Variants in NUBPL observed in about 807,000 individuals in gnomAD.
The protein encoded by NUBPL is iron-sulfur cluster transfer protein NUBPL.
NUBPL carries 31 observed loss-of-function variants against 45.7 expected under a neutral mutation model. The observed-to-expected ratio is 0.68, with a 90% CI of 0.51 to 0.92. The LOEUF is 0.92. Ranked by LOEUF, NUBPL falls within the 40% of genes least tolerant of loss-of-function variation. The probability of loss-of-function intolerance (pLI) is 0.00; values close to 1 mark genes in which losing one functional copy is unlikely to be tolerated. For synonymous variants in NUBPL, 144 were observed against 140.9 expected, an observed-to-expected ratio of 1.02 and a Z score of -0.15; for missense variants, 401 against 398.7, an observed-to-expected ratio of 1.01 and a Z score of -0.05.
Position 31,627,611 on chromosome 14 carries a change from A to G in NUBPL, c.382+28232A>G, listed in dbSNP as rs2139652314. 1.3e-5 allele frequency among the ~76,000 whole-genome samples: 2 copies of G among 151,988 alleles called. 1 individual carries two copies. Among genetic ancestry groups the G allele is most frequent in the South Asian group, 4.2e-4 (2 of 4,788 alleles). On this transcript the variant is annotated intron_variant, in intron 4 of 10. Coordinates refer to ENST00000281081, the MANE Select transcript of NUBPL (RefSeq NM_025152.3). ...GAAACCTTGTCTCTACTAACAATAG[A>G]AAAAATTAGCCAGACGTGGTGGCGG...
At chr14:31,727,940 TGTA>T (rs1301337527) in intron 6 of NUBPL, among the ~76,000 whole-genome samples, 2 of 152,188 alleles carry the variant, frequency 1.3e-5, no homozygotes, top group Non-Finnish European at 2.9e-5. Flanking sequence ...TATATTATGA[TGTA>T]GTCATTTATA....
intron 4 of NUBPL, among the ~76,000 whole-genome samples, chr14:31,647,641 G>A (rs185005693): frequency 2.6e-5 from 4 of 152,328 alleles, no homozygotes; most frequent in African/African-American, 9.6e-5. Context: ...TTACAGATCA[G>A]AGTTTCCAGG....
intron 6 of NUBPL, among the ~76,000 whole-genome samples, chr14:31,728,256 T>C (rs1337437402): frequency 6.6e-6 from 1 of 152,036 alleles, no homozygotes; most frequent in Non-Finnish European, 1.5e-5. Flanking sequence ...AAATGGAAAC[T>C]GAGAGCCACT....
At chr14:31,670,853 C>T (rs1566490418) in intron 4 of NUBPL, among the ~76,000 whole-genome samples, 1 of 152,144 alleles carries the variant, frequency 6.6e-6, no homozygotes, top group Non-Finnish European at 1.5e-5. Context: ...GTACCAGTAC[C>T]ATGCTGTTTT....
At chr14:31,783,364 T>C (rs1216235712) in intron 6 of NUBPL, among the ~76,000 whole-genome samples, 3 of 152,148 alleles carry the variant, frequency 2.0e-5, no homozygotes, top group African/African-American at 7.2e-5. Flanking sequence ...TTGCTTGGTT[T>C]ATCAGCAAGC....
intron 4 of NUBPL, among the ~76,000 whole-genome samples, chr14:31,645,185 C>G (rs1014411059): frequency 6.6e-6 from 1 of 151,944 alleles, no homozygotes; most frequent in Non-Finnish European, 1.5e-5. Context: ...CCTGCCTCAG[C>G]CTCCCGAGTA....
chr14:31,811,728 G>C (rs1163232692), intron 7 of NUBPL, among the ~76,000 whole-genome samples: 10 of 152,134 alleles, frequency 6.6e-5, no homozygotes, highest in Non-Finnish European at 1.0e-4. Context: ...TACCTTTTCT[G>C]CTCTGGTTTC....
chr14:31,706,907 C>G (rs1409371429), intron 6 of NUBPL, among the ~76,000 whole-genome samples: 3 of 152,220 alleles, frequency 2.0e-5, no homozygotes, highest in Admixed American at 6.5e-5. Flanking sequence ...TCCATATTAA[C>G]TTAAAATTGG....
At chr14:31,693,696 C>T (rs969596054) in intron 6 of NUBPL, among the ~76,000 whole-genome samples, 51 of 151,138 alleles carry the variant, frequency 3.4e-4, no homozygotes, top group African/African-American at 1.1e-3. Context: ...CTCTAGCAGG[C>T]CTCATATTTT....
intron 4 of NUBPL, among the ~76,000 whole-genome samples, chr14:31,607,428 T>G (rs1026162055): frequency 6.6e-6 from 1 of 150,858 alleles, no homozygotes; most frequent in South Asian, 2.1e-4. Flanking sequence ...TCCCGGTATG[T>G]GACCTTTCAG....
intron 4 of NUBPL, among the ~76,000 whole-genome samples, chr14:31,619,535 T>C (rs1278241700): frequency 6.6e-6 from 1 of 152,200 alleles, no homozygotes; most frequent in African/African-American, 2.4e-5. Context: ...ATTTCTGCTT[T>C]GCTTATGAAT....
intron 6 of NUBPL, among the ~76,000 whole-genome samples, chr14:31,738,805 A>G (rs1009437586): frequency 2.6e-5 from 4 of 152,224 alleles, no homozygotes; most frequent in African/African-American, 9.6e-5. Context: ...ATAAATTGGT[A>G]TTTTTAAAAA....
chr14:31,656,686 C>G (rs1335180189), intron 4 of NUBPL, among the ~76,000 whole-genome samples: 1 of 151,956 alleles, frequency 6.6e-6, no homozygotes, highest in Non-Finnish European at 1.5e-5. Context: ...TTCATGGTGC[C>G]CCACAACAAT....
At position 31,604,943 on chromosome 14, in the gene NUBPL, T is replaced by C. The variant is rs543196189; in HGVS notation, c.382+5564T>C. Among the ~76,000 whole-genome samples, 3 of 152,314 alleles carry C rather than the reference T, an allele frequency of 2.0e-5. 1 individual carries two copies. The South Asian group carries it at 6.2e-4, about 32-fold the overall frequency. On this transcript the variant is annotated intron_variant, in intron 4 of 10. Coordinates refer to ENST00000281081, the MANE Select transcript of NUBPL (RefSeq NM_025152.3). ...TATGGTAGTGGAAAATCTAGCCAGT[T>C]TGTAGAAAGGGCATTATGCAAAAGC...
In NUBPL at chr14:31,679,451, G is replaced by A. The variant is rs147626797; in HGVS notation, c.513+5877G>A. On this transcript the variant is annotated intron_variant, in intron 6 of 10. Transcript: ENST00000281081. ...ACATCTTGAATTAATTTTTATGTGT[G>A]AAATAAGGGTCAATGTTTATAATTT... is the stretch of plus-strand genomic sequence containing the variant. Among the ~76,000 whole-genome samples the A allele has an allele frequency of 5.3e-5, 8 of 152,174 alleles. No homozygotes were observed. The East Asian group carries it at 1.5e-3, about 29-fold the overall frequency.
intron 7 of NUBPL, among the ~76,000 whole-genome samples, chr14:31,814,898 C>G (rs915052160): frequency 1.3e-5 from 2 of 152,164 alleles, no homozygotes; most frequent in African/African-American, 4.8e-5. Flanking sequence ...TGGTCTGTAT[C>G]TCTGTTTTGG....
At chr14:31,737,190 T>C (rs960756780) in intron 6 of NUBPL, among the ~76,000 whole-genome samples, 1 of 152,214 alleles carries the variant, frequency 6.6e-6, no homozygotes, top group Non-Finnish European at 1.5e-5. Context: ...TCTATTCAGA[T>C]TTATGTGTAT....
intron 6 of NUBPL, among the ~76,000 whole-genome samples, chr14:31,756,296 G>A (rs1221803241): frequency 2.0e-5 from 3 of 152,088 alleles, no homozygotes; most frequent in South Asian, 2.1e-4. Context: ...TGGGCAGTAT[G>A]GTCATTTTCA....
At position 31,861,086 on chromosome 14, in the gene NUBPL, G is replaced by A. The variant is rs1367099668; in HGVS notation, c.*1906G>A. 1 of 152,142 alleles carries A rather than the reference G, an allele frequency of 6.6e-6. No homozygotes were observed. Among genetic ancestry groups the A allele is most frequent in the Non-Finnish European group, 1.5e-5 (1 of 68,030 alleles). The allele number at this position is 152,142 out of a possible 1,614,324, so 9.4% of individuals were successfully genotyped here. A position where few individuals can be genotyped will look rare whatever the true frequency, so the allele number is the denominator to read the frequency against. The stretch of plus-strand genomic sequence containing the variant: ...AGCTATCGATGTCAGTATCCCAGTT[G>A]TGATATTGTGCTATAGTTTTGCAAG... On this transcript the variant is annotated 3_prime_UTR_variant, in exon 11 of 11. Coordinates refer to ENST00000281081, the MANE Select transcript of NUBPL (RefSeq NM_025152.3).
Sources: gnomAD v4.1 joint callset for allele counts (sites outside exome capture counted in the v4.1 genomes callset) on GRCh38, gnomAD v4.1.1 for gene constraint, MANE v1.5 for transcripts, NCBI Gene and HGNC (gene_info 2026-07-23, HGNC 2026-07-21) for gene names.